ZNF507: variants seen among roughly 807,000 people sequenced by gnomAD.
ZNF507 encodes zinc finger protein 507.
Under a neutral mutation model 80.0 loss-of-function variants are expected in ZNF507, and 29 were observed. The ratio of observed to expected loss-of-function variants is 0.36; its 90% CI spans 0.27 to 0.49. The LOEUF (loss-of-function observed/expected upper bound fraction) is 0.49, where lower values mean the gene tolerates loss of function less well. Among genes scored for constraint, ZNF507 ranks in the 20% least tolerant of loss-of-function variants. The probability of loss-of-function intolerance (pLI) is 0.98; values close to 1 mark genes in which losing one functional copy is unlikely to be tolerated. For missense variants in ZNF507, 1,081 were observed against 1,152.2 expected (o/e 0.94, Z 0.90); for synonymous variants, 462 against 422.5 (o/e 1.09, Z -1.15).
intron 3 of ZNF507, 66 bp from the exon 4 acceptor site, chr19:32,356,550 C>G: frequency 8.6e-7 from 1 of 1,157,304 alleles, no homozygotes; most frequent in Non-Finnish European, 1.3e-6. Context: ...ACCTGTTCTT[C>G]TACAGCCTCC....
intron 5 of ZNF507, among the ~76,000 whole-genome samples, chr19:32,361,881 T>TCCCC (rs1967333006): frequency 9.2e-6 from 1 of 108,944 alleles, no homozygotes; most frequent in African/African-American, 3.5e-5. Flanking sequence ...TTCCTTTCCC[T>TCCCC]CCCCTCCCTC....
chr19:32,373,371 T>G (rs1967500614), intron 5 of ZNF507, among the ~76,000 whole-genome samples: 1 of 152,082 alleles, frequency 6.6e-6, no homozygotes, highest in Non-Finnish European at 1.5e-5. Context: ...TCACGTAAAT[T>G]CAGATCATAC....
chr19:32,383,061 A>ATG lies in ZNF507; in HGVS notation c.2841_2842insGT (p.Thr948ValfsTer4), dbSNP rs764415824. The ATG allele has an allele frequency of 6.8e-6, 11 of 1,613,736 alleles. No individual in the cohort carries two copies. Among genetic ancestry groups the ATG allele is most frequent in the Non-Finnish European group, 9.3e-6 (11 of 1,179,688 alleles). On this transcript the variant is annotated frameshift_variant, in exon 7 of 7. Coordinates refer to ENST00000355898, the MANE Select transcript of ZNF507 (RefSeq NM_001136156.2). LOFTEE classifies it high-confidence loss of function. ...AACATCATCCTGAATAAGGACCACA[A>ATG]TACAGCTCTAAACACAAATTAGGTG...
At position 32,383,451 on chromosome 19, in the gene ZNF507, AG is replaced by A. The variant is rs1967650172; in HGVS notation, c.*371del. 5.3e-6 allele frequency: 1 copy of A among 189,818 alleles called. No individual in the cohort carries two copies. Among genetic ancestry groups the A allele is most frequent in the South Asian group, 1.0e-4 (1 of 9,808 alleles). 11.8% of individuals were successfully genotyped at this position (189,818 alleles called of 1,614,324 possible). A position where few individuals can be genotyped will look rare whatever the true frequency, so the allele number is the denominator to read the frequency against. On this transcript the variant is annotated 3_prime_UTR_variant, in exon 7 of 7. Coordinates refer to ENST00000355898, the MANE Select transcript of ZNF507 (RefSeq NM_001136156.2). ...CAGGAACTATTCTAAAAGTCATAAA[AG>A]GGTCACAGTCTTAAGCAGAGCTTAG... is the stretch of plus-strand genomic sequence containing the variant.
intron 5 of ZNF507, among the ~76,000 whole-genome samples, chr19:32,363,333 A>G (rs1838476472): frequency 1.3e-5 from 2 of 152,232 alleles, no homozygotes; most frequent in African/African-American, 4.8e-5. Context: ...ACTTTGCACA[A>G]GGGCACAAAA....
At chr19:32,369,749 T>TA (rs1967444811) in intron 5 of ZNF507, among the ~76,000 whole-genome samples, 1 of 152,232 alleles carries the variant, frequency 6.6e-6, no homozygotes, top group Non-Finnish European at 1.5e-5. Flanking sequence ...TCTATCATCT[T>TA]ACGTACTTTT....
intron 5 of ZNF507, chr19:32,380,595 T>C: frequency 6.5e-7 from 1 of 1,535,392 alleles, no homozygotes; most frequent in Non-Finnish European, 8.7e-7. Flanking sequence ...TGACTGTGTC[T>C]CTTATTGGTG....
At chr19:32,365,126 C>T (rs1967380576) in intron 5 of ZNF507, among the ~76,000 whole-genome samples, 1 of 152,104 alleles carries the variant, frequency 6.6e-6, no homozygotes, top group Non-Finnish European at 1.5e-5. Flanking sequence ...GTTTGTTGGC[C>T]ATTTGCGTAT....
At position 32,353,986 on chromosome 19, in the gene ZNF507, A is replaced by C. The variant is rs145399600; in HGVS notation, c.1156A>C (p.Ser386Arg). ...GCTTACATCAGCACAGAAAATCATC[A>C]GCAGCAGCCCCAATAAAAAAGGGCA... ...SLLTSAQKIISSSPNKKGHVN... is the reference protein window; with the variant it reads ...SLLTSAQKIIRSSPNKKGHVN... Residue 386 changes from serine to arginine, a missense_variant, in exon 3 of 7, where the codon AGC becomes CGC. By Grantham distance (110) the Ser-to-Arg change is moderately radical. This residue lies in a region of ZNF507 where 614 missense variants were observed against 583.9 expected (regional missense o/e 1.05). Coordinates refer to ENST00000355898, the MANE Select transcript of ZNF507 (RefSeq NM_001136156.2). The C allele has an allele frequency of 6.2e-7, 1 of 1,614,174 alleles. No individual in the cohort carries two copies. The highest frequency in any genetic ancestry group is 1.3e-5 in the African/African-American group (1 of 75,042).
chr19:32,373,004 G>T (rs1967494903), intron 5 of ZNF507, among the ~76,000 whole-genome samples: 1 of 152,188 alleles, frequency 6.6e-6, no homozygotes, highest in African/African-American at 2.4e-5. Context: ...AGCAGCTTTG[G>T]TGTCTGATGA....
intron 5 of ZNF507, among the ~76,000 whole-genome samples, chr19:32,372,611 A>C (rs1967488967): frequency 6.6e-6 from 1 of 152,048 alleles, no homozygotes; most frequent in Non-Finnish European, 1.5e-5. Flanking sequence ...GACACATGCG[A>C]AGAACGGAAG....
chr19:32,380,630 T>TA, intron 5 of ZNF507: 1 of 1,535,166 alleles, frequency 6.5e-7, no homozygotes, highest in Non-Finnish European at 8.7e-7. Flanking sequence ...GGTAAGTAAG[T>TA]TATCTGGTTT....
In ZNF507 at chr19:32,345,686, G is replaced by C. The variant is rs741445; in HGVS notation, c.-194G>C. On this transcript the variant is annotated 5_prime_UTR_variant, in exon 1 of 7. Transcript: ENST00000355898. ...AAACCGGGGGAAAAGAGGGAAAAGA[G>C]CCGGGAGAGAGGTGGGCAAGGACGA... 1 of 152,448 alleles carries C rather than the reference G, an allele frequency of 6.6e-6. No individual in the cohort carries two copies. The highest frequency in any genetic ancestry group is 1.5e-5 in the Non-Finnish European group (1 of 68,398). 9.4% of individuals were successfully genotyped at this position (152,448 alleles called of 1,614,324 possible). A position where few individuals can be genotyped will look rare whatever the true frequency, so the allele number is the denominator to read the frequency against.
rs1599562522 is a variant in ZNF507, at chr19:32,384,480, C to A, written c.*1397C>A. Reference sequence around the variant, plus strand: ...AAAGGTCGGTGCGCTCTTCTGTGCACCATCCTCACGGTGCTATTTCCGAAT... The same window carrying A: ...AAAGGTCGGTGCGCTCTTCTGTGCAACATCCTCACGGTGCTATTTCCGAAT... On this transcript the variant is annotated 3_prime_UTR_variant, in exon 7 of 7. Transcript: ENST00000355898. The A allele has an allele frequency of 1.3e-5, 2 of 152,296 alleles. No individual in the cohort carries two copies. The highest frequency in any genetic ancestry group is 4.8e-5 in the African/African-American group (2 of 41,552). 9.4% of individuals were successfully genotyped at this position (152,296 alleles called of 1,614,324 possible). A position where few individuals can be genotyped will look rare whatever the true frequency, so the allele number is the denominator to read the frequency against.
At chr19:32,368,310 A>G (rs541234344) in intron 5 of ZNF507, among the ~76,000 whole-genome samples, 1 of 152,330 alleles carries the variant, frequency 6.6e-6, no homozygotes, top group African/African-American at 2.4e-5. Context: ...AGTGACCCAG[A>G]CAGCTAGGGT....
intron 5 of ZNF507, among the ~76,000 whole-genome samples, chr19:32,363,269 G>A (rs1177742804): frequency 6.6e-6 from 1 of 152,204 alleles, no homozygotes; most frequent in East Asian, 1.9e-4. Flanking sequence ...CATGCTCACA[G>A]GCAGCAGTAA....
Position 32,353,883 on chromosome 19 carries a change from A to G in ZNF507, c.1053A>G (p.Ser351=). The part of the protein sequence containing the change: ...SAERGVHLSQ[S]VTLDPNEEEM... ...AAAGAGGAGTACACCTAAGTCAGTC[A>G]GTTACCCTGGACCCCAATGAGGAAG... Residue 351 remains serine, a synonymous_variant, in exon 3 of 7, where the codon TCA becomes TCG. Transcript: ENST00000355898. 1.2e-6 allele frequency: 2 copies of G among 1,614,210 alleles called. No homozygotes were observed. The highest frequency in any genetic ancestry group is 1.1e-5 in the South Asian group (1 of 91,086).
Position 32,353,066 on chromosome 19 carries a change from C to G in ZNF507, c.236C>G (p.Ser79Cys). The change falls in exon 3 of 7, where the codon TCT becomes TGT. Residue 79 changes from serine to cysteine, a missense_variant. Physicochemically the swap from Ser to Cys is moderately radical, Grantham distance 112. Around this residue, in one of 6 missense-constraint regions of ZNF507, gnomAD observed 275 missense variants for 303.9 expected, o/e 0.90. Transcript: ENST00000355898. ...KRPRSSAATH[S>C]LETQELCEIP... ...CCACGTTCAAGTGCTGCAACACACTCTCTTGAAACCCAAGAACTTTGTGAG... is the reference window on the plus strand; with the variant it reads ...CCACGTTCAAGTGCTGCAACACACTGTCTTGAAACCCAAGAACTTTGTGAG... 1 of 1,614,216 alleles carries G rather than the reference C, an allele frequency of 6.2e-7. No homozygotes were observed. The highest frequency in any genetic ancestry group is 8.5e-7 in the Non-Finnish European group (1 of 1,180,028).
In ZNF507 at chr19:32,353,653, G is replaced by C. The variant is rs1408819171; in HGVS notation, c.823G>C (p.Asp275His). The C allele has an allele frequency of 2.5e-6, 4 of 1,614,088 alleles. No homozygotes were observed. Among genetic ancestry groups the C allele is most frequent in the Non-Finnish European group, 3.4e-6 (4 of 1,180,060 alleles). The change falls in exon 3 of 7, where the codon GAT (aspartate) becomes CAT (histidine). Residue 275 changes from aspartate to histidine, a missense_variant. By Grantham distance (81) the Asp-to-His change is moderately conservative (BLOSUM62 -1). This residue lies in a region of ZNF507 where 614 missense variants were observed against 583.9 expected (regional missense o/e 1.05). Coordinates refer to ENST00000355898, the MANE Select transcript of ZNF507 (RefSeq NM_001136156.2). ...THAWKHAGEVDCSYPIFENEN... is the reference protein window; with the variant it reads ...THAWKHAGEVHCSYPIFENEN... ...CGCTTGGAAACATGCTGGGGAGGTT[G>C]ATTGCTCCTATCCAATCTTTGAAAA...
Sources: allele counts gnomAD v4.1 joint callset (sites outside exome capture counted in the v4.1 genomes callset), GRCh38; gene constraint gnomAD v4.1.1; regional missense constraint gnomAD v4.1.1; transcripts MANE v1.5; gene names NCBI Gene and HGNC (gene_info 2026-07-23, HGNC 2026-07-21).